The following ARID1B variants were observed in gnomAD, a reference collection of about 807,000 sequenced individuals.
ARID1B encodes the protein AT-rich interactive domain-containing protein 1B.
Under a neutral mutation model 212.3 loss-of-function variants are expected in ARID1B, and 30 were observed. The ratio of observed to expected loss-of-function variants is 0.14; its 90% CI spans 0.11 to 0.19. ARID1B has a LOEUF of 0.19. Ranked by LOEUF, ARID1B falls within the 10% of genes least tolerant of loss-of-function variation. The pLI is 1.00. For synonymous variants in ARID1B, 1,402 were observed against 1,301.7 expected (o/e 1.08, Z -1.66); for missense variants, 2,891 against 3,204.0 (o/e 0.90, Z 2.36).
chr6:156,811,573 C>G (rs1781554243), intron 1 of ARID1B, among the ~76,000 whole-genome samples: 1 of 152,180 alleles, frequency 6.6e-6, no homozygotes, highest in Non-Finnish European at 1.5e-5. Flanking sequence ...GCTGCCACCT[C>G]TCTGTGTGCC....
chr6:157,128,581 C>T (rs1788314114), intron 6 of ARID1B, among the ~76,000 whole-genome samples: 1 of 152,150 alleles, frequency 6.6e-6, no homozygotes, highest in South Asian at 2.1e-4. Context: ...TGGTCTATGC[C>T]ATTATTACAC....
intron 4 of ARID1B, among the ~76,000 whole-genome samples, chr6:157,050,832 A>G (rs1047591509): frequency 3.0e-4 from 45 of 152,230 alleles, no homozygotes; most frequent in African/African-American, 1.0e-3. Flanking sequence ...CGCAGGCACA[A>G]TATTAATAGA....
At chr6:157,104,610 G>C (rs1786327124) in intron 5 of ARID1B, among the ~76,000 whole-genome samples, 1 of 152,134 alleles carries the variant, frequency 6.6e-6, no homozygotes, top group African/African-American at 2.4e-5. Context: ...ACAATAAACA[G>C]TTAAAAGACA....
intron 2 of ARID1B, among the ~76,000 whole-genome samples, chr6:156,845,696 G>T (rs1265456776): frequency 6.6e-6 from 1 of 151,884 alleles, no homozygotes; most frequent in Non-Finnish European, 1.5e-5. Context: ...CTTTGGAGTT[G>T]GTATTTTCCA....
In ARID1B at chr6:156,829,324, G is replaced by T. The variant is rs1374641072; in HGVS notation, c.1889G>T (p.Gly630Val). 2 of 1,614,104 alleles carry T rather than the reference G, an allele frequency of 1.2e-6. No individual in the cohort carries two copies. Among genetic ancestry groups the T allele is most frequent in the South Asian group, 1.1e-5 (1 of 91,090 alleles). ...CCTCAGCAGAGCAGTCCGTACCCAG[G>T]AGGTTCCTATGGCCCTCCAGGCCCA... ...SQPQQSSPYP[G>V]GSYGPPGPQR... The change falls in exon 2 of 20, where the codon GGA becomes GTA. Residue 630 changes from glycine (G) to valine (V), a missense_variant. Physicochemically the swap from Gly to Val is moderately radical, Grantham distance 109 (BLOSUM62 -3). Around this residue, in one of 7 missense-constraint regions of ARID1B, gnomAD observed 1,643 missense variants for 1,544.0 expected, o/e 1.06. Transcript: ENST00000636930.
In ARID1B at chr6:157,042,720, G is replaced by A. The variant is rs371777385; in HGVS notation, c.2248-41942G>A. 2.6e-3 allele frequency among the ~76,000 whole-genome samples: 382 copies of A among 149,136 alleles called. 2 individuals are homozygous for A. Among genetic ancestry groups the A allele is most frequent in the African/African-American group, 8.7e-3 (349 of 40,338 alleles). On this transcript the variant is annotated intron_variant, in intron 4 of 19. Coordinates refer to ENST00000636930, the MANE Select transcript of ARID1B (RefSeq NM_001374828.1). ...GTCACCCAGGCTGGAGTACAGTGGC[G>A]TGATCTCCACTCACTGCAGCCTCCA...
chr6:156,904,230 A>G (rs1369804414), intron 3 of ARID1B, among the ~76,000 whole-genome samples: 2 of 152,156 alleles, frequency 1.3e-5, no homozygotes. Flanking sequence ...TATATACTAC[A>G]TGCCTTCTTC....
At chr6:156,970,656 A>C (rs143328469) in intron 4 of ARID1B, among the ~76,000 whole-genome samples, 1,898 of 152,342 alleles carry the variant, frequency 0.012, 27 homozygotes, top group Non-Finnish European at 0.018. Context: ...GTTATAGAGC[A>C]ACTGTCTGTG....
intron 1 of ARID1B, among the ~76,000 whole-genome samples, chr6:156,802,992 G>T (rs1780895048): frequency 1.3e-5 from 2 of 152,036 alleles, no homozygotes; most frequent in African/African-American, 4.8e-5. Context: ...ACTTTTGCAT[G>T]TTTCCATGTA....
At chr6:156,799,378 G>T (rs541077052) in intron 1 of ARID1B, among the ~76,000 whole-genome samples, 57 of 152,318 alleles carry the variant, frequency 3.7e-4, no homozygotes, top group Admixed American at 1.2e-3. Context: ...CTCTCAGGAG[G>T]GACTGGAATG....
At chr6:157,185,748 C>T (rs1462432051) in intron 13 of ARID1B, 1 of 152,222 alleles carries the variant, frequency 6.6e-6, no homozygotes, top group Non-Finnish European at 1.5e-5. Context: ...TAGCTGCTGT[C>T]TGGATGGCAA....
chr6:156,776,907 A>T (rs1778653862), upstream of ARID1B: 1 of 152,240 alleles, frequency 6.6e-6, no homozygotes, highest in Non-Finnish European at 1.5e-5. Context: ...AAATCAAGGC[A>T]GAGGCGAACG....
intron 1 of ARID1B, among the ~76,000 whole-genome samples, chr6:156,804,546 G>A (rs956755378): frequency 2.3e-4 from 35 of 152,184 alleles, no homozygotes; most frequent in Non-Finnish European, 4.3e-4. Flanking sequence ...TAGAATCATG[G>A]TAGAAGGCAC....
At chr6:157,062,135 A>G (rs1783378949) in intron 4 of ARID1B, among the ~76,000 whole-genome samples, 1 of 152,190 alleles carries the variant, frequency 6.6e-6, no homozygotes, top group Admixed American at 6.5e-5. Flanking sequence ...CATAGCTACA[A>G]CATTAGATTC....
At position 157,207,202 on chromosome 6, in the gene ARID1B, A is replaced by C. The variant is rs773929325; in HGVS notation, c.6430A>C (p.Arg2144=). 15 of 1,614,018 alleles carry C rather than the reference A, an allele frequency of 9.3e-6. No homozygotes were observed. In the African/African-American group the frequency reaches 1.9e-4, roughly 20 times the overall value. Residue 2144 remains arginine (R), a synonymous_variant, in exon 20 of 20, where the codon AGG becomes CGG. Coordinates refer to ENST00000636930, the MANE Select transcript of ARID1B (RefSeq NM_001374828.1). The surrounding 1 kb of genome is among the most constrained non-coding windows in gnomAD (Gnocchi z 8.5). ...EWWWDCLEVL[R]DNTLVTLANI... ...GTGGTGGGACTGCCTCGAGGTCTTG[A>C]GGGATAACACGTTGGTCACGTTGGC...
chr6:156,977,855 T>G (rs1777354338), intron 4 of ARID1B, among the ~76,000 whole-genome samples: 1 of 152,232 alleles, frequency 6.6e-6, no homozygotes, highest in Admixed American at 6.5e-5. Context: ...AGCTTGATCC[T>G]TTTGGGTCTT....
chr6:157,044,113 A>G (rs982691929), intron 4 of ARID1B, among the ~76,000 whole-genome samples: 4 of 152,194 alleles, frequency 2.6e-5, no homozygotes, highest in Non-Finnish European at 5.9e-5. Flanking sequence ...ATATAATTGT[A>G]TGCTTTTCTG....
At chr6:156,805,722 G>A (rs1328572924) in intron 1 of ARID1B, among the ~76,000 whole-genome samples, 1 of 151,968 alleles carries the variant, frequency 6.6e-6, no homozygotes, top group Admixed American at 6.6e-5. Context: ...TTTAGAGACA[G>A]TGGAGTGCAG....
chr6:156,901,729 C>G, intron 3 of ARID1B: 1 of 673,934 alleles, frequency 1.5e-6, no homozygotes, highest in Admixed American at 3.2e-5. Context: ...AGAAGAATGA[C>G]TGGTTTAATA....
Sources: gnomAD v4.1 joint callset for allele counts (sites outside exome capture counted in the v4.1 genomes callset) on GRCh38, gnomAD v4.1.1 for gene constraint, gnomAD v4.1.1 regional missense constraint, Gnocchi (gnomAD v3.1) non-coding constraint, MANE v1.5 for transcripts, NCBI Gene and HGNC (gene_info 2026-07-23, HGNC 2026-07-21) for gene names.